CLYBL: variants seen among roughly 807,000 people sequenced by gnomAD.
CLYBL encodes the protein citramalyl-CoA lyase, mitochondrial.
In CLYBL, 31 loss-of-function variants were observed where a neutral mutation model predicts 38.9. The ratio of observed to expected loss-of-function variants is 0.80; its 90% CI spans 0.60 to 1.08. The LOEUF (loss-of-function observed/expected upper bound fraction) is 1.08. Among genes scored for constraint, CLYBL ranks in the 50% least tolerant of loss-of-function variants. The pLI is 0.00. For synonymous variants in CLYBL, 171 were observed against 158.6 expected, an observed-to-expected ratio of 1.08 and a Z score of -0.59; for missense variants, 434 against 411.6, an observed-to-expected ratio of 1.05 and a Z score of -0.47.
intron 7 of CLYBL, among the ~76,000 whole-genome samples, chr13:99,871,483 GA>G (rs2051896685): frequency 1.3e-5 from 2 of 152,068 alleles, no homozygotes; most frequent in Non-Finnish European, 2.9e-5. Context: ...AATTTGGGGG[GA>G]AAAAAGTACA....
At chr13:99,820,567 G>A (rs1246132070) in intron 2 of CLYBL, among the ~76,000 whole-genome samples, 1 of 151,416 alleles carries the variant, frequency 6.6e-6, no homozygotes, top group Non-Finnish European at 1.5e-5. Flanking sequence ...CCTCTGCAGG[G>A]ATCATTGTCA....
intron 2 of CLYBL, among the ~76,000 whole-genome samples, chr13:99,833,434 TTGC>T (rs967104034): frequency 9.2e-5 from 14 of 152,238 alleles, no homozygotes; most frequent in African/African-American, 3.4e-4. Flanking sequence ...AATCTTTGAA[TTGC>T]TGCCATAGCT....
At chr13:99,897,637 T>C (rs1594254824), downstream of CLYBL, among the ~76,000 whole-genome samples, 1 of 152,144 alleles carries the variant, frequency 6.6e-6, no homozygotes, top group East Asian at 1.9e-4. Context: ...CACCGTTGCA[T>C]GCAACATGTA....
intron 1 of CLYBL, among the ~76,000 whole-genome samples, chr13:99,684,718 A>G (rs909444435): frequency 6.6e-6 from 1 of 152,248 alleles, no homozygotes; most frequent in Admixed American, 6.5e-5. Context: ...TGCAGTGAAC[A>G]TAATGATCCC....
At chr13:99,625,324 C>T (rs763398296) in intron 1 of CLYBL, among the ~76,000 whole-genome samples, 4 of 152,190 alleles carry the variant, frequency 2.6e-5, no homozygotes, top group African/African-American at 4.8e-5. Flanking sequence ...ATTAGCAACT[C>T]GCCAGTGATC....
intron 1 of CLYBL, among the ~76,000 whole-genome samples, chr13:99,685,934 C>A (rs556088767): frequency 5.3e-5 from 8 of 152,172 alleles, no homozygotes; most frequent in African/African-American, 1.9e-4. Flanking sequence ...TGCACTCCAG[C>A]CTGGGCGACA....
intron 2 of CLYBL, among the ~76,000 whole-genome samples, chr13:99,812,968 C>T (rs559480294): frequency 2.6e-5 from 4 of 152,202 alleles, no homozygotes; most frequent in African/African-American, 9.7e-5. Context: ...GTTTTCTATG[C>T]GCGTGGCTGA....
At chr13:99,743,319 T>A (rs1158006923) in intron 1 of CLYBL, among the ~76,000 whole-genome samples, 2 of 152,232 alleles carry the variant, frequency 1.3e-5, no homozygotes, top group Non-Finnish European at 2.9e-5. Flanking sequence ...TAGCTTCTTG[T>A]GGGAACAAAG....
At chr13:99,726,176 AG>A (rs1273644082) in intron 1 of CLYBL, 1 of 152,344 alleles carries the variant, frequency 6.6e-6, no homozygotes, top group East Asian at 1.9e-4. Context: ...CAAATTAATA[AG>A]GTGTTAGACT....
At chr13:99,907,320 T>C (rs894184707) in intron 9 of CLYBL, among the ~76,000 whole-genome samples, 2 of 152,188 alleles carry the variant, frequency 1.3e-5, no homozygotes, top group Non-Finnish European at 2.9e-5. Context: ...AGGTTTCTTT[T>C]GAGCCTGAAA....
At chr13:99,838,503 C>G (rs1012830512) in intron 2 of CLYBL, among the ~76,000 whole-genome samples, 9 of 152,292 alleles carry the variant, frequency 5.9e-5, no homozygotes, top group Admixed American at 5.9e-4. Context: ...GCATATTTTT[C>G]AAGGCACATA....
chr13:99,650,760 G>A (rs915462575), intron 1 of CLYBL, among the ~76,000 whole-genome samples: 2 of 151,952 alleles, frequency 1.3e-5, no homozygotes, highest in Admixed American at 1.3e-4. Context: ...TTTTTTCTGG[G>A]ACTCTCCTCT....
At chr13:99,629,404 C>T (rs1376906604) in intron 1 of CLYBL, among the ~76,000 whole-genome samples, 1 of 152,238 alleles carries the variant, frequency 6.6e-6, no homozygotes, top group Non-Finnish European at 1.5e-5. Context: ...TCCCCCTCCT[C>T]CAGGTTTTAG....
chr13:99,747,803 G>A (rs529722852), intron 1 of CLYBL, among the ~76,000 whole-genome samples: 4 of 152,244 alleles, frequency 2.6e-5, no homozygotes, highest in South Asian at 2.1e-4. Flanking sequence ...CCTTAGCGAG[G>A]GCCAGCGTGT....
intron 1 of CLYBL, among the ~76,000 whole-genome samples, chr13:99,694,554 T>C (rs1429350941): frequency 6.6e-6 from 1 of 152,172 alleles, no homozygotes; most frequent in Non-Finnish European, 1.5e-5. Context: ...GCAGGTTCCA[T>C]CTCCATTCCG....
chr13:99,730,860 A>G (rs916179844), intron 1 of CLYBL, among the ~76,000 whole-genome samples: 2 of 152,080 alleles, frequency 1.3e-5, no homozygotes, highest in Non-Finnish European at 2.9e-5. Flanking sequence ...AGGCAGGTGG[A>G]TCACCTGAGG....
chr13:99,613,897 A>G (rs1446052321), intron 1 of CLYBL, among the ~76,000 whole-genome samples: 4 of 152,174 alleles, frequency 2.6e-5, no homozygotes, highest in Non-Finnish European at 5.9e-5. Flanking sequence ...GATATTTTGG[A>G]TTGTGAGGCA....
chr13:99,682,980 C>A (rs2047759483), intron 1 of CLYBL, among the ~76,000 whole-genome samples: 1 of 151,874 alleles, frequency 6.6e-6, no homozygotes, highest in African/African-American at 2.4e-5. Flanking sequence ...TCAGGTGATT[C>A]ACCCACCTCG....
At position 99,797,416 on chromosome 13, in the gene CLYBL, A is replaced by G. The variant is rs1328489765; in HGVS notation, c.249+24406A>G. ...AGCATTCCATGTTAACAGAACTTGCAGTGGCAGTTAGAAAATATTCCAGTC... is the reference window on the plus strand; with the variant it reads ...AGCATTCCATGTTAACAGAACTTGCGGTGGCAGTTAGAAAATATTCCAGTC... On this transcript the variant is annotated intron_variant, in intron 2 of 8. Transcript: ENST00000339105. Among the ~76,000 whole-genome samples, 3 of 152,216 alleles carry G rather than the reference A, an allele frequency of 2.0e-5. No individual in the cohort carries two copies. In the East Asian group the frequency reaches 5.8e-4, roughly 29 times the overall value.
Sources: gnomAD v4.1 joint callset for allele counts (sites outside exome capture counted in the v4.1 genomes callset) on GRCh38, gnomAD v4.1.1 for gene constraint, MANE v1.5 for transcripts, NCBI Gene and HGNC (gene_info 2026-07-23, HGNC 2026-07-21) for gene names.